FGF13: variants seen among roughly 807,000 people sequenced by gnomAD.
The protein encoded by FGF13 is fibroblast growth factor homologous factor 2.
A neutral mutation model predicts 19.5 loss-of-function variants in FGF13; 2 were observed. The observed-to-expected ratio is 0.10, with a 90% CI of 0.04 to 0.32. The LOEUF (loss-of-function observed/expected upper bound fraction) is 0.32, where lower values mean the gene tolerates loss of function less well. Ranked by LOEUF, FGF13 falls within the 10% of genes least tolerant of loss-of-function variation. The pLI, the probability that FGF13 is intolerant of heterozygous loss-of-function variation, is 1.00. For missense variants in FGF13, 113 were observed against 192.7 expected (o/e 0.59, Z 2.45); for synonymous variants, 72 against 76.9 (o/e 0.94, Z 0.33).
At chrX:139,057,319 G>GA (rs1047270329) in intron 1 of FGF13, among the ~76,000 whole-genome samples, 38 of 98,848 alleles carry the variant, frequency 3.8e-4, no homozygotes, top group South Asian at 8.7e-4. Context: ...CTGTCAAGAA[G>GA]AAAAAAAAAA....
intron 1 of FGF13, among the ~76,000 whole-genome samples, chrX:138,946,344 A>T (rs1272933952): frequency 1.8e-5 from 2 of 111,958 alleles, no homozygotes; most frequent in African/African-American, 6.5e-5. Flanking sequence ...CTCAATTGAC[A>T]TCCCACTGGA....
intron 3 of FGF13, among the ~76,000 whole-genome samples, chrX:138,822,322 C>T (rs1453731968): frequency 3.6e-5 from 4 of 111,909 alleles, no homozygotes; most frequent in East Asian, 2.8e-4. Flanking sequence ...AGAAATCTTT[C>T]GAGACACCTC....
At chrX:139,149,774 G>A (rs2083918498) in intron 1 of FGF13, among the ~76,000 whole-genome samples, 1 of 111,775 alleles carries the variant, frequency 8.9e-6, no homozygotes, top group Non-Finnish European at 1.9e-5. Flanking sequence ...AGTCCATTAA[G>A]ACAAAAATAA....
intron 1 of FGF13, among the ~76,000 whole-genome samples, chrX:139,029,158 A>C (rs1042951258): frequency 1.8e-5 from 2 of 111,929 alleles, no homozygotes; most frequent in African/African-American, 6.5e-5. Flanking sequence ...TGCCACTCCA[A>C]AATATGCCAG....
chrX:138,899,609 C>A (rs1318695087), intron 1 of FGF13, among the ~76,000 whole-genome samples: 5 of 111,123 alleles, frequency 4.5e-5, no homozygotes, highest in Admixed American at 1.9e-4. Context: ...CTTTCTGGAT[C>A]TCAAACCAGG....
At chrX:138,987,477 T>C (rs1390994510) in intron 1 of FGF13, among the ~76,000 whole-genome samples, 2 of 111,670 alleles carry the variant, frequency 1.8e-5, no homozygotes, top group African/African-American at 6.5e-5. Context: ...ATGGCTTAAA[T>C]TCATTTAATT....
intron 1 of FGF13, among the ~76,000 whole-genome samples, chrX:139,195,112 TA>T (rs2084361750): frequency 9.0e-6 from 1 of 111,730 alleles, no homozygotes; most frequent in Non-Finnish European, 1.9e-5. Context: ...AGGTTTGTAA[TA>T]AACCTGCCTG....
chrX:138,984,644 GAA>G (rs2091985055), intron 1 of FGF13, among the ~76,000 whole-genome samples: 2 of 79,397 alleles, frequency 2.5e-5, no homozygotes, highest in African/African-American at 9.5e-5. Flanking sequence ...AGGAGGAGGA[GAA>G]GAAGAAGAAG....
chrX:139,016,856 AATTT>A (rs1487544521), intron 1 of FGF13, among the ~76,000 whole-genome samples: 1 of 110,884 alleles, frequency 9.0e-6, no homozygotes, highest in Non-Finnish European at 1.9e-5. Flanking sequence ...CTCATTTCCT[AATTT>A]ATTTTCTGTG....
At chrX:139,056,390 G>A (rs1373194789) in intron 1 of FGF13, among the ~76,000 whole-genome samples, 6 of 111,999 alleles carry the variant, frequency 5.4e-5, no homozygotes, top group Non-Finnish European at 1.1e-4. Flanking sequence ...TAGCAAGACC[G>A]GCCCAGGGCA....
At chrX:139,070,200 C>A (rs761473391) in intron 1 of FGF13, among the ~76,000 whole-genome samples, 12 of 111,407 alleles carry the variant, frequency 1.1e-4, no homozygotes, top group Non-Finnish European at 1.9e-4. Context: ...AGGCAACCTA[C>A]AATGGGAGAA....
chrX:138,654,580 A>C (rs2089414196), intron 3 of FGF13, among the ~76,000 whole-genome samples: 1 of 111,089 alleles, frequency 9.0e-6, no homozygotes, highest in Admixed American at 9.6e-5. Context: ...GTCTCTACTA[A>C]AAATACAGAA....
chrX:138,800,981 G>A (rs182939589), intron 3 of FGF13, among the ~76,000 whole-genome samples: 331 of 111,887 alleles, frequency 3.0e-3, no homozygotes, highest in African/African-American at 0.01. Context: ...AGCAGTTCCT[G>A]TAACCTTTTA....
intron 1 of FGF13, among the ~76,000 whole-genome samples, chrX:138,961,104 A>G (rs2091867677): frequency 9.4e-6 from 1 of 106,674 alleles, no homozygotes; most frequent in Non-Finnish European, 2.0e-5. Context: ...GGTTTTTAGA[A>G]TTTTCAGCTT....
rs750970685 is a variant in FGF13, at chrX:139,016,225, T to C, written c.-112-151575A>G. Reference sequence around the variant, plus strand: ...TTTAGTCTCATTTAAATGTGAATTATGTGAAACTAGGAAGGAGTTCAAAAT... The same window carrying C: ...TTTAGTCTCATTTAAATGTGAATTACGTGAAACTAGGAAGGAGTTCAAAAT... On this transcript the variant is annotated intron_variant, in intron 1 of 2. Coordinates refer to the FGF13 transcript ENST00000421460. 6.2e-5 allele frequency among the ~76,000 whole-genome samples: 7 copies of C among 112,222 alleles called. 1 individual carries two copies. In the South Asian group the frequency reaches 2.6e-3, roughly 41 times the overall value.
intron 3 of FGF13, chrX:138,806,619 A>G (rs2090870098): frequency 8.9e-6 from 1 of 112,201 alleles, no homozygotes; most frequent in Non-Finnish European, 1.9e-5. Flanking sequence ...TGCTGAGGCA[A>G]ATGTGGTCTC....
chrX:138,639,661 G>A (rs189525244), intron 3 of FGF13, among the ~76,000 whole-genome samples: 1 of 111,373 alleles, frequency 9.0e-6, no homozygotes, highest in Admixed American at 9.5e-5. Context: ...TATTTCTCTT[G>A]CAGTTCAATG....
At chrX:139,115,319 T>C (rs2083632018) in intron 1 of FGF13, among the ~76,000 whole-genome samples, 1 of 112,517 alleles carries the variant, frequency 8.9e-6, no homozygotes, top group Admixed American at 9.4e-5. Context: ...TGTGACTACA[T>C]ATCTGGCTAA....
intron 3 of FGF13, among the ~76,000 whole-genome samples, chrX:138,656,317 G>A (rs923895109): frequency 8.0e-5 from 9 of 111,885 alleles, no homozygotes; most frequent in Admixed American, 7.6e-4. Context: ...AATAGAAATA[G>A]CTGACATTTA....
Sources: allele counts gnomAD v4.1 joint callset (sites outside exome capture counted in the v4.1 genomes callset), GRCh38; gene constraint gnomAD v4.1.1; transcripts MANE v1.5; gene names NCBI Gene and HGNC (gene_info 2026-07-23, HGNC 2026-07-21).